SORCS3: variants seen among roughly 807,000 people sequenced by gnomAD.
SORCS3 encodes the protein VPS10 domain-containing receptor SorCS3.
Under a neutral mutation model 146.3 loss-of-function variants are expected in SORCS3, and 57 were observed. The observed-to-expected ratio is 0.39, with a 90% CI of 0.31 to 0.49. The LOEUF (loss-of-function observed/expected upper bound fraction) is 0.49, where lower values mean the gene tolerates loss of function less well. SORCS3 is among the 20% of genes least tolerant of loss of function. SORCS3 has a pLI of 0.92. For missense variants in SORCS3, 1,341 were observed against 1,575.5 expected (o/e 0.85, Z 2.52); for synonymous variants, 653 against 618.5 (o/e 1.06, Z -0.83).
intron 1 of SORCS3, among the ~76,000 whole-genome samples, chr10:104,810,511 T>C (rs1487465905): frequency 6.6e-6 from 1 of 152,224 alleles, no homozygotes; most frequent in East Asian, 1.9e-4. Flanking sequence ...TTCAGTCTCA[T>C]CATATTAAGT....
intron 6 of SORCS3, among the ~76,000 whole-genome samples, chr10:105,095,583 G>A (rs904256602): frequency 6.6e-6 from 1 of 152,124 alleles, no homozygotes; most frequent in Non-Finnish European, 1.5e-5. Context: ...CCAAGCCCTG[G>A]TAGAGGGTTG....
chr10:105,065,583 G>C (rs1013620355), intron 5 of SORCS3, among the ~76,000 whole-genome samples: 2 of 152,058 alleles, frequency 1.3e-5, no homozygotes, highest in African/African-American at 4.8e-5. Flanking sequence ...GGCTGGAGTT[G>C]AGTGGTTATG....
At chr10:104,919,544 G>C (rs1431352742) in intron 3 of SORCS3, among the ~76,000 whole-genome samples, 9 of 151,964 alleles carry the variant, frequency 5.9e-5, no homozygotes, top group African/African-American at 2.2e-4. Context: ...TACAAAATTA[G>C]CCAGGCGTGG....
rs554880438 is a variant in SORCS3 at position 104,858,421 on chromosome 10, A to G, written c.695+15562A>G. 4.6e-5 allele frequency among the ~76,000 whole-genome samples: 7 copies of G among 152,338 alleles called. No individual in the cohort carries two copies. In the South Asian group the frequency reaches 1.2e-3, roughly 27 times the overall value. On this transcript the variant is annotated intron_variant, in intron 2 of 26. Transcript: ENST00000369701. ...TGTTTGCATGATAGTGTATTGTTCC[A>G]TAATTTACTCAAGTATTCATCTGTT...
chr10:104,905,916 G>A (rs1250322392), intron 2 of SORCS3, among the ~76,000 whole-genome samples: 1 of 152,160 alleles, frequency 6.6e-6, no homozygotes, highest in Non-Finnish European at 1.5e-5. Flanking sequence ...CCTTCCATGT[G>A]CAAGGCATTG....
chr10:105,260,988 C>A (rs867125182), intron 25 of SORCS3, among the ~76,000 whole-genome samples: 1 of 152,060 alleles, frequency 6.6e-6, no homozygotes, highest in Non-Finnish European at 1.5e-5. Flanking sequence ...AGAAAGAGCA[C>A]AGGATTTAAG....
intron 4 of SORCS3, among the ~76,000 whole-genome samples, chr10:105,036,131 A>G (rs1192840640): frequency 1.3e-5 from 2 of 152,162 alleles, no homozygotes; most frequent in African/African-American, 2.4e-5. Context: ...AGATGAGATC[A>G]TGTTTCTGTT....
At chr10:104,799,965 C>A (rs1028446489) in intron 1 of SORCS3, among the ~76,000 whole-genome samples, 3 of 151,796 alleles carry the variant, frequency 2.0e-5, no homozygotes, top group African/African-American at 7.3e-5. Flanking sequence ...CATGAGCCAC[C>A]GTGCCTGGCC....
At chr10:105,096,103 TACACAC>T (rs60438282) in intron 6 of SORCS3, among the ~76,000 whole-genome samples, 26 of 145,320 alleles carry the variant, frequency 1.8e-4, no homozygotes, top group Middle Eastern at 7.1e-3. Context: ...ACCTCACAAA[TACACAC>T]ACACACACAC....
chr10:105,249,647 G>A (rs2056887507), intron 22 of SORCS3, among the ~76,000 whole-genome samples: 1 of 152,068 alleles, frequency 6.6e-6, no homozygotes, highest in Admixed American at 6.5e-5. Context: ...TTTGGGAGCC[G>A]AGGCAGGTGG....
Position 104,643,558 on chromosome 10 carries a change from T to C in SORCS3, c.627+1604T>C, listed in dbSNP as rs1428672188. 3.3e-5 allele frequency among the ~76,000 whole-genome samples: 5 copies of C among 152,286 alleles called. No homozygotes were observed. The East Asian group carries it at 9.7e-4, about 30-fold the overall frequency. On this transcript the variant is annotated intron_variant, in intron 1 of 26. Transcript: ENST00000369701. ...TCTGGCGAGAGGGGTGGACAATGTG[T>C]GCCTTTGCAGGGCTGGGTGATTGAA... is the stretch of plus-strand genomic sequence containing the variant.
At chr10:104,676,716 G>A (rs1276318296) in intron 1 of SORCS3, among the ~76,000 whole-genome samples, 2 of 152,170 alleles carry the variant, frequency 1.3e-5, no homozygotes, top group East Asian at 3.9e-4. Flanking sequence ...GAAGAGAACA[G>A]TTACTCCCAA....
intron 4 of SORCS3, among the ~76,000 whole-genome samples, chr10:105,018,011 TG>T (rs2055177676): frequency 6.6e-6 from 1 of 152,122 alleles, no homozygotes; most frequent in Non-Finnish European, 1.5e-5. Flanking sequence ...GAGTAAGGAA[TG>T]GTAGTTGAAA....
intron 17 of SORCS3, among the ~76,000 whole-genome samples, chr10:105,212,980 G>A (rs1306907591): frequency 6.6e-6 from 1 of 152,038 alleles, no homozygotes; most frequent in African/African-American, 2.4e-5. Context: ...AAAATAAGGT[G>A]ATATTAATTT....
intron 4 of SORCS3, among the ~76,000 whole-genome samples, chr10:104,997,243 G>A (rs1015029526): frequency 2.6e-5 from 4 of 152,168 alleles, no homozygotes; most frequent in Non-Finnish European, 5.9e-5. Flanking sequence ...AGTTCACATG[G>A]AAGTTGGGAA....
At chr10:105,224,803 A>G (rs1281238427) in intron 20 of SORCS3, among the ~76,000 whole-genome samples, 1 of 152,042 alleles carries the variant, frequency 6.6e-6, no homozygotes. Flanking sequence ...ATGATATCAC[A>G]TTTTTGTTTA....
At chr10:104,893,188 T>G (rs905570383) in intron 2 of SORCS3, among the ~76,000 whole-genome samples, 12 of 152,186 alleles carry the variant, frequency 7.9e-5, no homozygotes, top group African/African-American at 2.7e-4. Context: ...TTCGTTTGCT[T>G]TATTACTTAT....
chr10:104,860,779 A>C (rs2018392647), intron 2 of SORCS3, among the ~76,000 whole-genome samples: 1 of 152,178 alleles, frequency 6.6e-6, no homozygotes. Context: ...AGAGAGCTTC[A>C]GTAACTTTCC....
intron 1 of SORCS3, among the ~76,000 whole-genome samples, chr10:104,745,398 A>C (rs1044991206): frequency 2.6e-5 from 4 of 152,204 alleles, no homozygotes. Context: ...CTTTTGAAGA[A>C]ACTAGCAAGT....
Sources: gnomAD v4.1 joint callset for allele counts (sites outside exome capture counted in the v4.1 genomes callset) on GRCh38, gnomAD v4.1.1 for gene constraint, MANE v1.5 for transcripts, NCBI Gene and HGNC (gene_info 2026-07-23, HGNC 2026-07-21) for gene names.